The following EXOC6B variants were observed in gnomAD, a reference collection of about 807,000 sequenced individuals.
The protein encoded by EXOC6B is SEC15 homolog B.
Under a neutral mutation model 113.5 loss-of-function variants are expected in EXOC6B, and 54 were observed. That is an observed-to-expected ratio of 0.48 (90% CI 0.38 to 0.60). The LOEUF is 0.60. Among genes scored for constraint, EXOC6B ranks in the 20% least tolerant of loss-of-function variants. The pLI is 0.00. For missense variants in EXOC6B, 797 were observed against 977.5 expected, an observed-to-expected ratio of 0.82 and a Z score of 2.46; for synonymous variants, 357 against 339.0, an observed-to-expected ratio of 1.05 and a Z score of -0.58.
intron 20 of EXOC6B, among the ~76,000 whole-genome samples, chr2:72,205,476 T>C (rs1187060653): frequency 6.6e-6 from 1 of 152,130 alleles, no homozygotes; most frequent in Non-Finnish European, 1.5e-5. Flanking sequence ...ATGAGACCTC[T>C]ATAACCAGAA....
At chr2:72,719,522 C>T (rs1355231081) in intron 5 of EXOC6B, among the ~76,000 whole-genome samples, 1 of 152,162 alleles carries the variant, frequency 6.6e-6, no homozygotes, top group South Asian at 2.1e-4. Context: ...GACTAGGAGG[C>T]TGTAGACAGG....
chr2:72,810,282 A>C (rs561426880), intron 1 of EXOC6B, among the ~76,000 whole-genome samples: 46 of 151,992 alleles, frequency 3.0e-4, no homozygotes, highest in African/African-American at 1.1e-3. Flanking sequence ...CAAGCGGCTA[A>C]GACACGATGA....
At chr2:72,593,914 A>C (rs1391253273) in intron 6 of EXOC6B, among the ~76,000 whole-genome samples, 1 of 152,220 alleles carries the variant, frequency 6.6e-6, no homozygotes, top group Non-Finnish European at 1.5e-5. Flanking sequence ...AAAACCTTCC[A>C]ACAAGTAAAA....
intron 7 of EXOC6B, among the ~76,000 whole-genome samples, chr2:72,565,369 A>C (rs1352219017): frequency 6.6e-6 from 1 of 151,182 alleles, no homozygotes; most frequent in Admixed American, 6.6e-5. Flanking sequence ...AAAAAAAAAA[A>C]AAAAAGCTGA....
intron 20 of EXOC6B, among the ~76,000 whole-genome samples, chr2:72,241,837 G>C (rs1472754653): frequency 6.6e-6 from 1 of 152,136 alleles, no homozygotes; most frequent in East Asian, 1.9e-4. Flanking sequence ...TGTGCTGGTA[G>C]ACCTGCTCGC....
intron 19 of EXOC6B, among the ~76,000 whole-genome samples, chr2:72,376,900 AT>A (rs545429789): frequency 9.7e-4 from 142 of 146,020 alleles, no homozygotes; most frequent in Non-Finnish European, 9.7e-4. Context: ...GTTAGAAGGC[AT>A]TTTTTTTTTT....
chr2:72,216,186 T>C (rs989053715), intron 20 of EXOC6B, among the ~76,000 whole-genome samples: 5 of 151,766 alleles, frequency 3.3e-5, no homozygotes, highest in South Asian at 4.2e-4. Context: ...GTAGAGACAC[T>C]GTAAGATGAA....
At chr2:72,497,278 A>T (rs1700087866) in intron 13 of EXOC6B, among the ~76,000 whole-genome samples, 1 of 151,998 alleles carries the variant, frequency 6.6e-6, no homozygotes, top group Non-Finnish European at 1.5e-5. Flanking sequence ...TGGCCCATTG[A>T]TAAGGTTTTT....
intron 20 of EXOC6B, among the ~76,000 whole-genome samples, chr2:72,200,884 T>G (rs1679452341): frequency 6.6e-6 from 1 of 152,130 alleles, no homozygotes; most frequent in Admixed American, 6.5e-5. Flanking sequence ...TGAACAAATG[T>G]TAATGATTTG....
intron 6 of EXOC6B, among the ~76,000 whole-genome samples, chr2:72,677,449 G>A (rs976709964): frequency 3.3e-5 from 5 of 152,016 alleles, no homozygotes; most frequent in African/African-American, 1.2e-4. Flanking sequence ...GCTCAAAACA[G>A]TCAAGACTGA....
chr2:72,302,526 T>C (rs1160297506), intron 20 of EXOC6B, among the ~76,000 whole-genome samples: 1 of 152,250 alleles, frequency 6.6e-6, no homozygotes, highest in Non-Finnish European at 1.5e-5. Context: ...TGGGTGCATA[T>C]ATACTTAAGA....
chr2:72,253,990 C>T (rs1225239627), intron 20 of EXOC6B, among the ~76,000 whole-genome samples: 3 of 152,078 alleles, frequency 2.0e-5, no homozygotes, highest in African/African-American at 7.2e-5. Flanking sequence ...GAGACCCCAT[C>T]TCTACTAAAA....
chr2:72,600,193 C>A lies in EXOC6B; in HGVS notation c.670-24525G>T, dbSNP rs113556606. On this transcript the variant is annotated intron_variant, in intron 6 of 21. Coordinates refer to ENST00000272427, the MANE Select transcript of EXOC6B (RefSeq NM_015189.3). ...CAGTGGCTCACACGAGTAATCCCAG[C>A]ACTTTGGGAGGCCGAGGCAGGCAGA... Among the ~76,000 whole-genome samples, 22 of 152,176 alleles carry A rather than the reference C, an allele frequency of 1.4e-4. 2 individuals are homozygous for A. Among genetic ancestry groups the A allele is most frequent in the African/African-American group, 4.6e-4 (19 of 41,540 alleles).
At chr2:72,629,748 G>C (rs1009785550) in intron 6 of EXOC6B, among the ~76,000 whole-genome samples, 9 of 152,120 alleles carry the variant, frequency 5.9e-5, no homozygotes, top group African/African-American at 2.2e-4. Context: ...ATAAAACAAT[G>C]TTAAAAATGA....
chr2:72,193,143 C>A (rs1041434528), intron 20 of EXOC6B, among the ~76,000 whole-genome samples: 58 of 152,216 alleles, frequency 3.8e-4, no homozygotes, highest in Non-Finnish European at 1.6e-4. Context: ...TAGAGCACAG[C>A]AAAAAGAGTT....
intron 17 of EXOC6B, among the ~76,000 whole-genome samples, chr2:72,474,461 T>C (rs954913104): frequency 6.6e-5 from 10 of 152,052 alleles, no homozygotes; most frequent in Non-Finnish European, 1.5e-4. Context: ...CATTCTTTTT[T>C]TAGTTGTTTT....
chr2:72,407,736 T>C (rs2105204749), intron 18 of EXOC6B, among the ~76,000 whole-genome samples: 1 of 152,268 alleles, frequency 6.6e-6, no homozygotes, highest in East Asian at 1.9e-4. Context: ...AAGCTATCTA[T>C]GACAAACCCA....
intron 20 of EXOC6B, among the ~76,000 whole-genome samples, chr2:72,196,296 T>C (rs1034345331): frequency 2.6e-5 from 4 of 152,180 alleles, no homozygotes; most frequent in African/African-American, 9.6e-5. Context: ...CATCCTATGA[T>C]AGGCAGAAGA....
intron 6 of EXOC6B, among the ~76,000 whole-genome samples, chr2:72,622,434 C>G (rs1178634752): frequency 6.6e-6 from 1 of 152,264 alleles, no homozygotes; most frequent in Non-Finnish European, 1.5e-5. Flanking sequence ...GCTATCCAGG[C>G]TGGGCACGGT....
Sources: allele counts gnomAD v4.1 joint callset (sites outside exome capture counted in the v4.1 genomes callset), GRCh38; gene constraint gnomAD v4.1.1; transcripts MANE v1.5; gene names NCBI Gene and HGNC (gene_info 2026-07-23, HGNC 2026-07-21).